AFG2B: variants seen among roughly 807,000 people sequenced by gnomAD.
The protein encoded by AFG2B is ATPase family gene 2 protein homolog B.
chr15:45,419,926 G>A, the AFG2B span, among the ~76,000 whole-genome samples: 1 of 148,356 alleles, frequency 6.7e-6, no homozygotes, highest in South Asian at 2.2e-4. Flanking sequence ...GGAGGTCAAG[G>A]CTGTAGTGAG....
At chr15:45,403,544 A>G in the AFG2B span, 3 of 1,588,324 alleles carry the variant, frequency 1.9e-6, no homozygotes, top group Non-Finnish European at 2.6e-6. Flanking sequence ...GGGTTTGCCC[A>G]CTGTCGGTGG....
At chr15:45,417,093 A>G in the AFG2B span, 1 of 648,690 alleles carries the variant, frequency 1.5e-6, no homozygotes, top group Admixed American at 3.1e-5. Context: ...TTGGTTAATG[A>G]TTTGTTTCTG....
chr15:45,412,180 A>T, the AFG2B span, among the ~76,000 whole-genome samples: 1 of 152,080 alleles, frequency 6.6e-6, no homozygotes, highest in Non-Finnish European at 1.5e-5. Context: ...AGGCAGGAGG[A>T]TCACGAGGTC....
the AFG2B span, among the ~76,000 whole-genome samples, chr15:45,416,408 GTCTCT>G: frequency 6.6e-5 from 10 of 152,178 alleles, no homozygotes; most frequent in African/African-American, 2.4e-4. Flanking sequence ...CTCTTTCTGA[GTCTCT>G]TCTCCAGATG....
chr15:45,405,148 T>A, the AFG2B span, among the ~76,000 whole-genome samples: 1 of 152,208 alleles, frequency 6.6e-6, no homozygotes, highest in African/African-American at 2.4e-5. Flanking sequence ...TCTACCTAAC[T>A]GTATGTTTGT....
the AFG2B span, among the ~76,000 whole-genome samples, chr15:45,408,103 C>T: frequency 3.7e-4 from 56 of 152,330 alleles, 1 homozygote; most frequent in African/African-American, 1.1e-3. Flanking sequence ...AAAAGACCAA[C>T]AGTCCAAGAG....
the AFG2B span, chr15:45,417,173 C>A: frequency 7.0e-7 from 1 of 1,432,130 alleles, no homozygotes. Flanking sequence ...AAAAGGATAT[C>A]CCTATTTGAA....
chr15:45,404,038 T>C, the AFG2B span, among the ~76,000 whole-genome samples: 9 of 152,266 alleles, frequency 5.9e-5, no homozygotes, highest in East Asian at 1.4e-3. Context: ...TATTCCACAA[T>C]TGAGGAGGTA....
chr15:45,414,688 C>G, the AFG2B span: 2 of 1,614,200 alleles, frequency 1.2e-6, no homozygotes, highest in South Asian at 2.2e-5. Context: ...GGTGAGGGCC[C>G]TGGCCACAAG....
the AFG2B span, chr15:45,421,229 G>A: frequency 1.3e-6 from 2 of 1,550,554 alleles, no homozygotes; most frequent in Admixed American, 4.2e-5. Context: ...TTAAACTCTT[G>A]TTCAGTTCAC....
the AFG2B span, chr15:45,403,183 C>A: frequency 6.8e-7 from 1 of 1,460,766 alleles, no homozygotes. Context: ...CCAGCTGGTG[C>A]GGGCCGTGGC....
the AFG2B span, among the ~76,000 whole-genome samples, chr15:45,412,332 C>T: frequency 6.6e-6 from 1 of 152,000 alleles, no homozygotes; most frequent in Non-Finnish European, 1.5e-5. Flanking sequence ...ACCTAAGAGG[C>T]TGAGGTTGCA....
At chr15:45,421,384 G>A in the AFG2B span, 16 of 417,286 alleles carry the variant, frequency 3.8e-5, no homozygotes, top group Non-Finnish European at 4.1e-6. Context: ...ATTTTTAAAA[G>A]GCATATTAAA....
chr15:45,406,713 C>T, the AFG2B span, among the ~76,000 whole-genome samples: 1 of 152,186 alleles, frequency 6.6e-6, no homozygotes, highest in South Asian at 2.1e-4. Context: ...TTTGTAACAT[C>T]AAAATTGTCT....
chr15:45,421,240 A>T, the AFG2B span: 1 of 1,486,136 alleles, frequency 6.7e-7, no homozygotes, highest in Non-Finnish European at 9.0e-7. Flanking sequence ...TTCAGTTCAC[A>T]TTAATTGAAA....
chr15:45,416,904 GGTCATAA>G, the AFG2B span: 1 of 157,834 alleles, frequency 6.3e-6, no homozygotes, highest in South Asian at 1.9e-4. Context: ...TCCACCGGTT[GGTCATAA>G]GTATCTGTCT....
the AFG2B span, among the ~76,000 whole-genome samples, chr15:45,419,403 A>G: frequency 6.6e-6 from 1 of 151,842 alleles, no homozygotes; most frequent in African/African-American, 2.4e-5. Flanking sequence ...CGAAGGTTGC[A>G]GTAAGATGAG....
the AFG2B span, among the ~76,000 whole-genome samples, chr15:45,414,961 C>T: frequency 6.6e-6 from 1 of 152,098 alleles, no homozygotes; most frequent in Non-Finnish European, 1.5e-5. Flanking sequence ...CTCCTACCTA[C>T]TGTTAACATT....
chr15:45,403,124 C>T, the AFG2B span: 2 of 1,488,958 alleles, frequency 1.3e-6, no homozygotes, highest in East Asian at 2.6e-5. Flanking sequence ...CTGGGCTTAG[C>T]GGTGCCTCGC....
Sources: gnomAD v4.1 joint callset for allele counts (sites outside exome capture counted in the v4.1 genomes callset) on GRCh38, gnomAD v4.1.1 for gene constraint, MANE v1.5 for transcripts, NCBI Gene and HGNC (gene_info 2026-07-23, HGNC 2026-07-21) for gene names.